Variants in CPNE8 observed in about 807,000 individuals in gnomAD.
CPNE8 encodes the protein copine-8.
CPNE8 carries 45 observed loss-of-function variants against 81.5 expected under a neutral mutation model. The ratio of observed to expected loss-of-function variants is 0.55; its 90% confidence interval spans 0.44 to 0.71. The LOEUF (loss-of-function observed/expected upper bound fraction) is 0.71. Ranked by LOEUF, CPNE8 falls within the 30% of genes least tolerant of loss-of-function variation. The probability of loss-of-function intolerance (pLI) is 0.00; values close to 1 mark genes in which losing one functional copy is unlikely to be tolerated. For synonymous variants in CPNE8, 252 were observed against 226.3 expected (o/e 1.11, Z -1.02); for missense variants, 594 against 672.1 (o/e 0.88, Z 1.28).
intron 10 of CPNE8, among the ~76,000 whole-genome samples, chr12:38,738,819 C>CTT (rs60435915): frequency 2.1e-5 from 3 of 141,406 alleles, no homozygotes; most frequent in Admixed American, 7.2e-5. Flanking sequence ...TTTTTTTTTT[C>CTT]TTTTTTTTTT....
chr12:38,896,434 A>G (rs1944390100), intron 1 of CPNE8, among the ~76,000 whole-genome samples: 1 of 152,074 alleles, frequency 6.6e-6, no homozygotes. Context: ...TGGGTCAGGC[A>G]CCTTTTAAAT....
intron 17 of CPNE8, 33 bp downstream of exon 17, chr12:38,677,419 T>C (rs1939314511): frequency 8.8e-7 from 1 of 1,137,520 alleles, no homozygotes; most frequent in Non-Finnish European, 1.3e-6. Context: ...TGTTGTCACG[T>C]AGCGAGCCCA....
chr12:38,665,706 C>T (rs747591088), intron 19 of CPNE8, among the ~76,000 whole-genome samples: 11 of 152,172 alleles, frequency 7.2e-5, no homozygotes, highest in South Asian at 4.2e-4. Flanking sequence ...TGCAGCCAGG[C>T]GGAATGGCAC....
At chr12:38,748,113 C>G (rs536939827) in intron 10 of CPNE8, among the ~76,000 whole-genome samples, 260 of 152,076 alleles carry the variant, frequency 1.7e-3, no homozygotes, top group African/African-American at 6.0e-3. Context: ...CAGGCTTAAG[C>G]GATTCTCCTG....
chr12:38,706,864 G>A (rs1448525626), intron 13 of CPNE8, among the ~76,000 whole-genome samples: 2 of 152,192 alleles, frequency 1.3e-5, no homozygotes, highest in South Asian at 2.1e-4. Context: ...GAATGCTACA[G>A]CATAACCGTC....
intron 1 of CPNE8, among the ~76,000 whole-genome samples, chr12:38,878,842 C>G (rs1338489356): frequency 2.0e-5 from 3 of 152,074 alleles, no homozygotes; most frequent in Non-Finnish European, 4.4e-5. Flanking sequence ...ATAATACAAT[C>G]TGCATTAAAG....
At chr12:38,904,473 T>G (rs1237404250) in intron 1 of CPNE8, among the ~76,000 whole-genome samples, 4 of 148,760 alleles carry the variant, frequency 2.7e-5, no homozygotes, top group Admixed American at 6.7e-5. Context: ...TTTTTTTGTT[T>G]TTTTTTTTTT....
At chr12:38,703,920 CAA>C in intron 13 of CPNE8, among the ~76,000 whole-genome samples, 1 of 152,016 alleles carries the variant, frequency 6.6e-6, no homozygotes, top group African/African-American at 2.4e-5. Flanking sequence ...GAAAAAGCCA[CAA>C]AAAAGAATAA....
At chr12:38,823,340 A>T (rs2137010477) in intron 6 of CPNE8, among the ~76,000 whole-genome samples, 1 of 152,246 alleles carries the variant, frequency 6.6e-6, no homozygotes, top group African/African-American at 2.4e-5. Context: ...TCTATCAGAC[A>T]ATTACAAGCT....
chr12:38,758,643 A>G (rs1156571711), intron 10 of CPNE8, among the ~76,000 whole-genome samples: 2 of 152,202 alleles, frequency 1.3e-5, no homozygotes, highest in African/African-American at 4.8e-5. Flanking sequence ...GTGAAAGGTA[A>G]CTAATGTAGT....
chr12:38,676,811 T>C (rs1345025353), intron 17 of CPNE8, among the ~76,000 whole-genome samples: 2 of 152,198 alleles, frequency 1.3e-5, no homozygotes, highest in East Asian at 3.9e-4. Flanking sequence ...CAGGGCATCA[T>C]GTCTTCTTAG....
chr12:38,878,285 G>A (rs1944096633), intron 1 of CPNE8, among the ~76,000 whole-genome samples: 1 of 152,104 alleles, frequency 6.6e-6, no homozygotes, highest in Admixed American at 6.5e-5. Context: ...CAACATCCAA[G>A]AACCCTTTCT....
In CPNE8 at chr12:38,839,943, A is replaced by G. The variant is rs1366093729; in HGVS notation, c.303T>C (p.Asp101=). 1.9e-6 allele frequency: 3 copies of G among 1,583,016 alleles called. No homozygotes were observed. The East Asian group carries it at 6.8e-5, about 36-fold the overall frequency. ...ENLRFDLYDV[D]SKSPNLSKHD... is the part of the protein sequence containing the mutation. Reference sequence around the variant, plus strand: ...GTTTGGATAAGTTGGGGCTCTTTGAATCAACATCATACCTAAAAGATTGAA... The same window carrying G: ...GTTTGGATAAGTTGGGGCTCTTTGAGTCAACATCATACCTAAAAGATTGAA... Residue 101 remains aspartate, a synonymous_variant, in exon 5 of 20, where the codon GAT becomes GAC. Transcript: ENST00000331366.
intron 13 of CPNE8, among the ~76,000 whole-genome samples, chr12:38,716,682 G>T (rs1031824030): frequency 6.6e-6 from 1 of 151,848 alleles, no homozygotes; most frequent in African/African-American, 2.4e-5. Flanking sequence ...TGAACCATAA[G>T]AATTCCAGAA....
At chr12:38,898,158 C>T (rs1471104347) in intron 1 of CPNE8, among the ~76,000 whole-genome samples, 5 of 152,156 alleles carry the variant, frequency 3.3e-5, no homozygotes, top group African/African-American at 9.6e-5. Flanking sequence ...TATTACCACC[C>T]TCTCCTGTGG....
At chr12:38,841,036 G>T (rs1280903612) in intron 4 of CPNE8, among the ~76,000 whole-genome samples, 3 of 152,040 alleles carry the variant, frequency 2.0e-5, no homozygotes, top group African/African-American at 7.2e-5. Flanking sequence ...TCTCACATAA[G>T]AATGTTCTCA....
At chr12:38,791,387 ATACT>A (rs1942320050) in intron 6 of CPNE8, among the ~76,000 whole-genome samples, 1 of 151,652 alleles carries the variant, frequency 6.6e-6, no homozygotes, top group Non-Finnish European at 1.5e-5. Flanking sequence ...TTATTAAAAT[ATACT>A]TACTAACCAA....
intron 19 of CPNE8, among the ~76,000 whole-genome samples, chr12:38,662,639 T>A (rs552624200): frequency 6.6e-6 from 1 of 151,958 alleles, no homozygotes; most frequent in Non-Finnish European, 1.5e-5. Flanking sequence ...AAAAACACAA[T>A]CCTAAAATTT....
chr12:38,703,309 T>C (rs1939997306), intron 13 of CPNE8, among the ~76,000 whole-genome samples: 1 of 152,160 alleles, frequency 6.6e-6, no homozygotes, highest in Non-Finnish European at 1.5e-5. Flanking sequence ...AATTAGCATG[T>C]CCTTTAAAGT....
Sources: gnomAD v4.1 joint callset for allele counts (sites outside exome capture counted in the v4.1 genomes callset) on GRCh38, gnomAD v4.1.1 for gene constraint, MANE v1.5 for transcripts, NCBI Gene and HGNC (gene_info 2026-07-23, HGNC 2026-07-21) for gene names.